The following ALDH3A2 variants were observed in gnomAD, a reference collection of about 807,000 sequenced individuals.
ALDH3A2 encodes the protein aldehyde dehydrogenase 3 family member A2.
A neutral mutation model predicts 51.3 loss-of-function variants in ALDH3A2; 36 were observed. The observed-to-expected ratio is 0.70, with a 90% CI of 0.54 to 0.93. The LOEUF is 0.93. Ranked by LOEUF, ALDH3A2 falls within the 40% of genes least tolerant of loss-of-function variation. The pLI is 0.00. For missense variants in ALDH3A2, 552 were observed against 603.1 expected, an observed-to-expected ratio of 0.92 and a Z score of 0.89; for synonymous variants, 199 against 219.8, an observed-to-expected ratio of 0.91 and a Z score of 0.84.
chr17:19,657,936 T>C (rs2084919084), intron 5 of ALDH3A2, 74 bp downstream of exon 5: 1 of 1,205,004 alleles, frequency 8.3e-7, no homozygotes, highest in Non-Finnish European at 1.2e-6. Flanking sequence ...GCAGGCAGCA[T>C]CCCCATTTGT....
chr17:19,673,058 A>C, intron 9 of ALDH3A2: 2 of 1,553,588 alleles, frequency 1.3e-6, no homozygotes, highest in South Asian at 1.1e-5. Context: ...ACAACAACAA[A>C]AATTTGAAAG....
intron 6 of ALDH3A2, chr17:19,662,063 A>C (rs1252679267): frequency 6.6e-6 from 1 of 152,112 alleles, no homozygotes; most frequent in Non-Finnish European, 1.5e-5. Flanking sequence ...TCTTGGTGGC[A>C]GCCCAGATTG....
chr17:19,665,376 C>CGTGTGTGTGTGTGTGTGTGTGTGTGT (rs34642385), intron 8 of ALDH3A2, among the ~76,000 whole-genome samples: 8 of 144,924 alleles, frequency 5.5e-5, no homozygotes, highest in African/African-American at 2.0e-4. Flanking sequence ...GATCTCTCTT[C>CGTGTGTGTGTGTGTGTGTGTGTGTGT]GTGTGTGTGT....
rs1212913936 is a variant in ALDH3A2, at chr17:19,654,713, A to G, written c.472-1653A>G. Among the ~76,000 whole-genome samples the G allele has an allele frequency of 6.6e-6, 1 of 151,352 alleles. No homozygotes were observed. The highest frequency in any genetic ancestry group is 1.5e-5 in the Non-Finnish European group (1 of 67,842). ...TGCGCCTCTCCCTCCACACCTTCCC[A>G]CAAGCAGAAGGAGCCGGCTCCAGCC... On this transcript the variant is annotated intron_variant, in intron 3 of 9. Transcript: ENST00000176643. This position sits in a 1 kb window ranked among gnomAD's most constrained non-coding sequence, Gnocchi z 4.5.
chr17:19,660,644 T>A (rs1597561217), intron 5 of ALDH3A2, among the ~76,000 whole-genome samples: 1 of 152,200 alleles, frequency 6.6e-6, no homozygotes, highest in East Asian at 1.9e-4. Flanking sequence ...AACAACAAAG[T>A]GGAGCAAAGA....
At chr17:19,651,344 A>C (rs2084811727) in intron 1 of ALDH3A2, among the ~76,000 whole-genome samples, 1 of 152,172 alleles carries the variant, frequency 6.6e-6, no homozygotes, top group Admixed American at 6.5e-5. Context: ...ATAATCTTTG[A>C]TTTTTTTAAA....
chr17:19,649,568 C>T (rs1462364773), intron 1 of ALDH3A2: 1 of 156,932 alleles, frequency 6.4e-6, no homozygotes, highest in African/African-American at 2.4e-5. Context: ...TCTGAATAAC[C>T]CATTACCATC....
Position 19,657,767 on chromosome 17 carries a change from A to C in ALDH3A2, c.703A>C (p.Met235Leu), listed in dbSNP as rs764210473. ...VCRRITWGKY[M>L]NCGQTCIAPD... is the part of the protein sequence containing the mutation. Reference sequence around the variant, plus strand: ...CAGACGCATAACCTGGGGAAAATACATGAATTGTGGCCAAACCTGCATTGC... The same window carrying C: ...CAGACGCATAACCTGGGGAAAATACCTGAATTGTGGCCAAACCTGCATTGC... Residue 235 changes from methionine (M) to leucine (L), a missense_variant, in exon 5 of 10, where the codon ATG becomes CTG. By Grantham distance (15) the Met-to-Leu change is conservative. Transcript: ENST00000176643. 2 of 1,613,856 alleles carry C rather than the reference A, an allele frequency of 1.2e-6. No individual in the cohort carries two copies. Among genetic ancestry groups the C allele is most frequent in the Non-Finnish European group, 1.7e-6 (2 of 1,179,756 alleles).
intron 8 of ALDH3A2, among the ~76,000 whole-genome samples, chr17:19,666,597 T>TG (rs1303707842): frequency 6.6e-6 from 1 of 151,924 alleles, no homozygotes; most frequent in Non-Finnish European, 1.5e-5. Context: ...GCCAACATGG[T>TG]GAAACCCCAT....
chr17:19,672,203 A>C, intron 9 of ALDH3A2: 2 of 559,894 alleles, frequency 3.6e-6, no homozygotes, highest in South Asian at 2.1e-5. Context: ...ACAGAGGCTG[A>C]ATGGCCCTCA....
intron 5 of ALDH3A2, 69 bp from the exon 6 acceptor site, chr17:19,661,058 G>A: frequency 6.6e-7 from 1 of 1,508,638 alleles, no homozygotes; most frequent in South Asian, 1.1e-5. Context: ...GGCATGGCTG[G>A]ATTTTGTACT....
chr17:19,664,883 G>A lies in ALDH3A2; in HGVS notation c.1108-65G>A, dbSNP rs1480181069. The A allele has an allele frequency of 7.3e-6, 8 of 1,095,640 alleles. 1 individual carries two copies. The South Asian group carries it at 7.5e-5, about 10-fold the overall frequency. 67.9% of individuals were successfully genotyped at this position (1,095,640 alleles called of 1,614,324 possible). On this transcript the variant is annotated intron_variant, in intron 7 of 9. Coordinates refer to ENST00000176643, the MANE Select transcript of ALDH3A2 (RefSeq NM_000382.3). Reference sequence around the variant, plus strand: ...AACTGAGCACACAGCCCTCTGTGTGGTGGGGCCATGAGTGTTCCCTAAGGG... The same window carrying A: ...AACTGAGCACACAGCCCTCTGTGTGATGGGGCCATGAGTGTTCCCTAAGGG...
intron 8 of ALDH3A2, 125 bp downstream of exon 8, chr17:19,665,172 C>A (rs1199878964): frequency 4.7e-6 from 4 of 844,902 alleles, no homozygotes; most frequent in African/African-American, 2.1e-5. Flanking sequence ...CTGAGGGAGA[C>A]CTTTTCCTGG....
At chr17:19,673,366 T>C in intron 9 of ALDH3A2, 1 of 1,448,924 alleles carries the variant, frequency 6.9e-7, no homozygotes, top group East Asian at 2.4e-5. Flanking sequence ...GTTTTTGTTT[T>C]TGTTTTTGTT....
intron 8 of ALDH3A2, 42 bp downstream of exon 8, chr17:19,665,089 G>A: frequency 6.5e-7 from 1 of 1,534,438 alleles, no homozygotes; most frequent in Non-Finnish European, 9.0e-7. Flanking sequence ...TATTTCAAAA[G>A]CACCACCATT....
intron 6 of ALDH3A2, among the ~76,000 whole-genome samples, chr17:19,661,674 C>T (rs1393789819): frequency 6.6e-6 from 1 of 152,156 alleles, no homozygotes; most frequent in Non-Finnish European, 1.5e-5. Context: ...TCATGCTTGA[C>T]CTTATTATTT....
intron 8 of ALDH3A2, among the ~76,000 whole-genome samples, chr17:19,666,777 CAAAATAAATAAAT>C (rs1012667001): frequency 3.7e-5 from 4 of 108,124 alleles, no homozygotes; most frequent in African/African-American, 1.4e-4. Flanking sequence ...ACTCCGATCT[CAAAATAAATAAAT>C]AAATAAATAA....
In ALDH3A2 at chr17:19,654,152, A is replaced by G. The variant is rs908420635; in HGVS notation, c.471+1520A>G. Among the ~76,000 whole-genome samples, 2 of 152,224 alleles carry G rather than the reference A, an allele frequency of 1.3e-5. No homozygotes were observed. Among genetic ancestry groups the G allele is most frequent in the Admixed American group, 6.5e-5 (1 of 15,288 alleles). On this transcript the variant is annotated intron_variant, in intron 3 of 9. Transcript: ENST00000176643. This position sits in a 1 kb window ranked among gnomAD's most constrained non-coding sequence, Gnocchi z 4.5. ...CTGATTGGTGCATCCACAAACCCCA[A>G]GCTAGACACAGAGTGCTGATTGGTG... is the stretch of plus-strand genomic sequence containing the variant.
At chr17:19,672,920 A>T (rs2085137304) in intron 9 of ALDH3A2, among the ~76,000 whole-genome samples, 1 of 152,126 alleles carries the variant, frequency 6.6e-6, no homozygotes, top group African/African-American at 2.4e-5. Context: ...ACGCACCTGT[A>T]GTCCCAGCTA....
Sources: gnomAD v4.1 joint callset for allele counts (sites outside exome capture counted in the v4.1 genomes callset) on GRCh38, gnomAD v4.1.1 for gene constraint, Gnocchi (gnomAD v3.1) non-coding constraint, MANE v1.5 for transcripts, NCBI Gene and HGNC (gene_info 2026-07-23, HGNC 2026-07-21) for gene names.